The following PRRX1 variants were observed in gnomAD, a reference collection of about 807,000 sequenced individuals.
PRRX1 encodes the protein paired related homeobox 1.
A neutral mutation model predicts 24.0 loss-of-function variants in PRRX1; 8 were observed. The ratio of observed to expected loss-of-function variants is 0.33; its 90% CI spans 0.20 to 0.60. The LOEUF is 0.60. Ranked by LOEUF, PRRX1 falls within the 20% of genes least tolerant of loss-of-function variation. The probability of loss-of-function intolerance (pLI) is 0.82; values close to 1 mark genes in which losing one functional copy is unlikely to be tolerated. For missense variants in PRRX1, 281 were observed against 322.4 expected, an observed-to-expected ratio of 0.87 and a Z score of 0.98; for synonymous variants, 160 against 131.7, an observed-to-expected ratio of 1.22 and a Z score of -1.47.
intron 1 of PRRX1, among the ~76,000 whole-genome samples, chr1:170,693,829 G>C (rs201571189): frequency 7.9e-5 from 12 of 152,046 alleles, no homozygotes; most frequent in Non-Finnish European, 1.6e-4. Context: ...TCCGAATGGG[G>C]AAAATGAGAT....
chr1:170,666,305 T>C (rs1652926249), intron 1 of PRRX1, among the ~76,000 whole-genome samples: 1 of 150,150 alleles, frequency 6.7e-6, no homozygotes, highest in African/African-American at 2.5e-5. Context: ...GTAATCCCGG[T>C]TACTCAGCAG....
chr1:170,731,176 A>C (rs1349411173), intron 3 of PRRX1, among the ~76,000 whole-genome samples: 1 of 152,236 alleles, frequency 6.6e-6, no homozygotes, highest in African/African-American at 2.4e-5. Context: ...AAATTTCCCT[A>C]GGAAAACTGG....
At chr1:170,700,540 T>C (rs1190067472) in intron 1 of PRRX1, among the ~76,000 whole-genome samples, 1 of 152,138 alleles carries the variant, frequency 6.6e-6, no homozygotes, top group Non-Finnish European at 1.5e-5. Flanking sequence ...AAGTGGGAGA[T>C]GATGGACAGA....
At chr1:170,696,102 C>T (rs1426904817) in intron 1 of PRRX1, among the ~76,000 whole-genome samples, 1 of 152,142 alleles carries the variant, frequency 6.6e-6, no homozygotes, top group African/African-American at 2.4e-5. Flanking sequence ...CTCACACCTG[C>T]ACTGGTCACT....
At position 170,664,323 on chromosome 1, in the gene PRRX1, C is replaced by T. The variant is rs755085392; in HGVS notation, c.105C>T (p.Ser35=). The T allele has an allele frequency of 4.3e-6, 7 of 1,613,802 alleles. No homozygotes were observed. Among genetic ancestry groups the T allele is most frequent in the African/African-American group, 2.7e-5 (2 of 74,918 alleles). Residue 35 remains serine (S), a synonymous_variant, in exon 1 of 4, where the codon TCC becomes TCT. Coordinates refer to ENST00000239461, the MANE Select transcript of PRRX1 (RefSeq NM_022716.4). ...CCCTGCAGGCGAAAAAGAACTTCTC[C>T]GTCAGTCACCTGCTAGACCTGGAGG... ...LDTLQAKKNF[S]VSHLLDLEEA...
At chr1:170,702,635 T>A (rs1399004283) in intron 1 of PRRX1, among the ~76,000 whole-genome samples, 1 of 152,230 alleles carries the variant, frequency 6.6e-6, no homozygotes, top group Non-Finnish European at 1.5e-5. Flanking sequence ...CCCGTGTTCA[T>A]GTAAGAACGT....
intron 1 of PRRX1, among the ~76,000 whole-genome samples, chr1:170,704,182 A>G (rs988261609): frequency 2.0e-5 from 3 of 152,216 alleles, no homozygotes; most frequent in African/African-American, 7.2e-5. Context: ...CTTTTGTTAT[A>G]CTATAAACAC....
intron 1 of PRRX1, among the ~76,000 whole-genome samples, chr1:170,697,020 A>T (rs1205517684): frequency 6.6e-6 from 1 of 152,200 alleles, no homozygotes; most frequent in African/African-American, 2.4e-5. Context: ...GTTTTCATGA[A>T]CATAGCAGAC....
At position 170,738,880 on chromosome 1, in the gene PRRX1, T is replaced by C. The variant is rs146969525; in HGVS notation, c.*2694T>C. On this transcript the variant is annotated 3_prime_UTR_variant, in exon 4 of 4. Coordinates refer to ENST00000239461, the MANE Select transcript of PRRX1 (RefSeq NM_022716.4). ...AAGCAAGCAATGTCTGGGAATATCA[T>C]AGAGTAACAAGTGCTGGTCAGCCAA... 1.0e-3 allele frequency: 230 copies of C among 229,540 alleles called. No individual in the cohort carries two copies. Among genetic ancestry groups the C allele is most frequent in the Middle Eastern group, 2.6e-3 (2 of 766 alleles). The allele number at this position is 229,540 out of a possible 1,614,324, so 14.2% of individuals were successfully genotyped here.
chr1:170,708,470 C>T lies in PRRX1; in HGVS notation c.242-11256C>T, dbSNP rs555826408. 2.6e-5 allele frequency among the ~76,000 whole-genome samples: 4 copies of T among 152,176 alleles called. No individual in the cohort carries two copies. The South Asian group carries it at 8.3e-4, about 32-fold the overall frequency. ...TCCTGTATATTGGAGAATGAATTAG[C>T]CAGGCTTTTGCCCAAGCTCCTTTGC... On this transcript the variant is annotated intron_variant, in intron 1 of 3. Coordinates refer to ENST00000239461, the MANE Select transcript of PRRX1 (RefSeq NM_022716.4).
chr1:170,701,011 A>G (rs898369691), intron 1 of PRRX1, among the ~76,000 whole-genome samples: 1 of 152,198 alleles, frequency 6.6e-6, no homozygotes, highest in Non-Finnish European at 1.5e-5. Flanking sequence ...TGTTATGAGG[A>G]ATAAATGAGG....
At chr1:170,674,955 C>T (rs1447880583) in intron 1 of PRRX1, among the ~76,000 whole-genome samples, 2 of 152,166 alleles carry the variant, frequency 1.3e-5, no homozygotes, top group Non-Finnish European at 2.9e-5. Flanking sequence ...ATTGCATTAA[C>T]ATTCTTCATT....
At chr1:170,686,454 G>A (rs761688214) in intron 1 of PRRX1, among the ~76,000 whole-genome samples, 2 of 152,142 alleles carry the variant, frequency 1.3e-5, no homozygotes, top group Non-Finnish European at 2.9e-5. Flanking sequence ...AAGGTCAAAA[G>A]TCTGAGAGTT....
Position 170,723,874 on chromosome 1 carries a change from G to A in PRRX1, c.418-2346G>A, listed in dbSNP as rs182067092. Among the ~76,000 whole-genome samples, 198 of 152,190 alleles carry A rather than the reference G, an allele frequency of 1.3e-3. 1 individual carries two copies. The highest frequency in any genetic ancestry group is 3.4e-3 in the Middle Eastern group (1 of 294). On this transcript the variant is annotated intron_variant, in intron 2 of 3. Transcript: ENST00000239461. ...TTGTAATACCATGGTAAGTATTTGC[G>A]TATCTAATCATATCAAATAGCAAAA...
intron 1 of PRRX1, among the ~76,000 whole-genome samples, chr1:170,701,418 C>T (rs1221090849): frequency 6.6e-6 from 1 of 152,138 alleles, no homozygotes; most frequent in Non-Finnish European, 1.5e-5. Flanking sequence ...TGTGATTTGT[C>T]ATTGCAACTT....
chr1:170,671,579 T>A (rs953012888), intron 1 of PRRX1, among the ~76,000 whole-genome samples: 1 of 152,244 alleles, frequency 6.6e-6, no homozygotes, highest in Non-Finnish European at 1.5e-5. Flanking sequence ...CCTTCAAAAA[T>A]TTCTGGGTTC....
intron 1 of PRRX1, among the ~76,000 whole-genome samples, chr1:170,700,630 A>G (rs1340888120): frequency 6.6e-6 from 1 of 152,156 alleles, no homozygotes; most frequent in African/African-American, 2.4e-5. Flanking sequence ...CTGTATTATT[A>G]GTACTGTCCT....
At chr1:170,693,916 C>A (rs912217116) in intron 1 of PRRX1, among the ~76,000 whole-genome samples, 12 of 151,936 alleles carry the variant, frequency 7.9e-5, no homozygotes, top group Non-Finnish European at 1.2e-4. Flanking sequence ...TGGTTGGGAG[C>A]AATAATTCCA....
chr1:170,702,364 A>G (rs1323988049), intron 1 of PRRX1, among the ~76,000 whole-genome samples: 1 of 151,810 alleles, frequency 6.6e-6, no homozygotes, highest in East Asian at 1.9e-4. Context: ...TTATTAACCA[A>G]CCTCTCCCTG....
Sources: gnomAD v4.1 joint callset for allele counts (sites outside exome capture counted in the v4.1 genomes callset) on GRCh38, gnomAD v4.1.1 for gene constraint, MANE v1.5 for transcripts, NCBI Gene and HGNC (gene_info 2026-07-23, HGNC 2026-07-21) for gene names.